The following TAPT1 variants were observed in gnomAD, a reference collection of about 807,000 sequenced individuals.
TAPT1 encodes the protein transmembrane anterior posterior transformation protein 1 homolog.
Under a neutral mutation model 65.6 loss-of-function variants are expected in TAPT1, and 28 were observed. The ratio of observed to expected loss-of-function variants is 0.43; its 90% CI spans 0.32 to 0.59. The LOEUF is 0.59. Among genes scored for constraint, TAPT1 ranks in the 20% least tolerant of loss-of-function variants. The pLI is 0.09. For synonymous variants in TAPT1, 278 were observed against 245.2 expected, an observed-to-expected ratio of 1.13 and a Z score of -1.25; for missense variants, 563 against 679.9, an observed-to-expected ratio of 0.83 and a Z score of 1.91.
At chr4:16,188,198 T>G in intron 5 of TAPT1, 22 bp downstream of exon 5, 1 of 1,570,750 alleles carries the variant, frequency 6.4e-7, no homozygotes, top group Non-Finnish European at 8.6e-7. Flanking sequence ...GTCGGAAATT[T>G]CCAGTAGGTC....
chr4:16,166,900 G>C, intron 12 of TAPT1, 107 bp from the exon 13 acceptor site: 1 of 1,065,940 alleles, frequency 9.4e-7, no homozygotes, highest in Non-Finnish European at 1.4e-6. Context: ...ATGGGACGGT[G>C]ACAGATTAGG....
intron 3 of TAPT1, among the ~76,000 whole-genome samples, chr4:16,200,084 C>T (rs537356095): frequency 6.6e-5 from 10 of 152,248 alleles, no homozygotes; most frequent in African/African-American, 1.4e-4. Context: ...ATACCTCATA[C>T]GTGTGCTAAC....
At chr4:16,177,904 A>T (rs1368024601) in intron 8 of TAPT1, among the ~76,000 whole-genome samples, 1 of 152,212 alleles carries the variant, frequency 6.6e-6, no homozygotes, top group East Asian at 1.9e-4. Context: ...CATCAATAAA[A>T]GCAAGTGCTC....
In TAPT1 at chr4:16,213,164, A is replaced by G. The variant is rs192977480; in HGVS notation, c.330+604T>C. Reference sequence around the variant, plus strand: ...ATTGCTTAGACTCACCAACTCTAGCATCGCCTAGGGGAGAAGGGGCTGCTT... The same window carrying G: ...ATTGCTTAGACTCACCAACTCTAGCGTCGCCTAGGGGAGAAGGGGCTGCTT... On this transcript the variant is annotated intron_variant, in intron 2 of 13. Coordinates refer to ENST00000405303, the MANE Select transcript of TAPT1 (RefSeq NM_153365.3). Among the ~76,000 whole-genome samples the G allele has an allele frequency of 2.7e-4, 41 of 152,328 alleles. No homozygotes were observed. In the East Asian group the frequency reaches 7.7e-3, roughly 29 times the overall value.
At chr4:16,191,634 T>G in intron 3 of TAPT1, 111 bp from the exon 4 acceptor site, 2 of 1,180,108 alleles carry the variant, frequency 1.7e-6, no homozygotes. Context: ...ATAAGAATTA[T>G]GTTGATCTTT....
At chr4:16,188,098 C>G in intron 5 of TAPT1, 122 bp downstream of exon 5, 1 of 804,790 alleles carries the variant, frequency 1.2e-6, no homozygotes. Flanking sequence ...AAATATTTCA[C>G]ATTAATCTTC....
chr4:16,216,345 T>C (rs1750943111), intron 1 of TAPT1, among the ~76,000 whole-genome samples: 1 of 152,250 alleles, frequency 6.6e-6, no homozygotes, highest in Non-Finnish European at 1.5e-5. Context: ...TTCTTTCTTG[T>C]ATTTATTCCC....
intron 3 of TAPT1, among the ~76,000 whole-genome samples, chr4:16,201,504 C>G (rs956798046): frequency 6.6e-6 from 1 of 152,062 alleles, no homozygotes; most frequent in Non-Finnish European, 1.5e-5. Context: ...GAAATGTAAC[C>G]TCGACATCTA....
intron 3 of TAPT1, among the ~76,000 whole-genome samples, chr4:16,193,362 C>T (rs958789907): frequency 2.0e-5 from 3 of 152,214 alleles, no homozygotes; most frequent in East Asian, 1.9e-4. Context: ...GATTGCATCA[C>T]GGCCAAAGTT....
chr4:16,176,204 T>A lies in TAPT1; in HGVS notation c.1022A>T (p.Asp341Val). ...NPDHLWVLFP[D>V]VCMVIASEIA... is the part of the protein sequence containing the mutation. ...TTCTGATGCAATTACCATACAGACA[T>A]CTGGAAACAACACCCAGAGATGATC... The change falls in exon 9 of 14, where the codon GAT (aspartate) becomes GTT (valine). Residue 341 changes from aspartate (D) to valine (V), a missense_variant. This residue lies in a region of TAPT1 where 104 missense variants were observed against 102.5 expected (regional missense o/e 1.01). Transcript: ENST00000405303. 1 of 1,566,376 alleles carries A rather than the reference T, an allele frequency of 6.4e-7. No individual in the cohort carries two copies. The highest frequency in any genetic ancestry group is 8.7e-7 in the Non-Finnish European group (1 of 1,155,392).
At chr4:16,166,592 T>C in intron 13 of TAPT1, 41 bp downstream of exon 13, 1 of 1,601,796 alleles carries the variant, frequency 6.2e-7, no homozygotes, top group Non-Finnish European at 8.6e-7. Context: ...TTTAACTCTT[T>C]GAAAATGATC....
intron 7 of TAPT1, among the ~76,000 whole-genome samples, chr4:16,180,689 T>G (rs531605679): frequency 5.3e-5 from 8 of 152,326 alleles, no homozygotes; most frequent in African/African-American, 1.9e-4. Flanking sequence ...AAACTTTTAT[T>G]CCACAGCAAA....
rs772134839 is a variant in TAPT1 at position 16,188,278 on chromosome 4, T to C, written c.690A>G (p.Glu230=). 6.2e-7 allele frequency: 1 copy of C among 1,612,948 alleles called. No homozygotes were observed. The highest frequency in any genetic ancestry group is 8.5e-7 in the Non-Finnish European group (1 of 1,179,330). ...TCACCCCAATGTGGGCTCTTTTTCT[T>C]TCTTTAGGCTCTGTTGCTGTCCAAT... ...ALYWTATEPK[E]RKRAHIGVIP... is the part of the protein sequence containing the mutation. The change falls in exon 5 of 14, where the codon GAA becomes GAG. Residue 230 remains glutamate, a synonymous_variant. Transcript: ENST00000405303.
chr4:16,167,268 G>A (rs1289336249), intron 12 of TAPT1, among the ~76,000 whole-genome samples: 1 of 152,048 alleles, frequency 6.6e-6, no homozygotes, highest in African/African-American at 2.4e-5. Flanking sequence ...TGGGATTACA[G>A]GTGTGAGCCA....
In TAPT1 at chr4:16,161,430, T is replaced by A. The variant is rs753147598; in HGVS notation, c.*1878A>T. 4.6e-5 allele frequency: 7 copies of A among 152,662 alleles called. No individual in the cohort carries two copies. The highest frequency in any genetic ancestry group is 1.0e-4 in the Non-Finnish European group (7 of 68,046). 9.5% of individuals were successfully genotyped at this position (152,662 alleles called of 1,614,324 possible). A position where few individuals can be genotyped will look rare whatever the true frequency, so the allele number is the denominator to read the frequency against. ...CAGCATCTGCAAAGGAATGGAAATC[T>A]TCTGAAAATGACAGCGCAGTAACAG... is the stretch of plus-strand genomic sequence containing the variant. On this transcript the variant is annotated 3_prime_UTR_variant, in exon 14 of 14. Coordinates refer to ENST00000405303, the MANE Select transcript of TAPT1 (RefSeq NM_153365.3).
At chr4:16,174,787 A>C (rs1395356715) in intron 9 of TAPT1, 58 bp from the exon 10 acceptor site, 3 of 1,201,966 alleles carry the variant, frequency 2.5e-6, no homozygotes, top group Non-Finnish European at 3.4e-6. Flanking sequence ...TAATGTGGAA[A>C]GACTGCAACT....
chr4:16,181,810 C>T (rs1017796424), intron 7 of TAPT1, among the ~76,000 whole-genome samples: 4 of 152,222 alleles, frequency 2.6e-5, no homozygotes, highest in Admixed American at 6.5e-5. Flanking sequence ...TCAGGTGATC[C>T]GCCCATCTTG....
chr4:16,221,200 A>AACCTCC (rs958625598), intron 1 of TAPT1, among the ~76,000 whole-genome samples: 2 of 151,936 alleles, frequency 1.3e-5, no homozygotes, highest in African/African-American at 2.4e-5. Context: ...GTCTCACTGC[A>AACCTCC]ACCTCCACCT....
At chr4:16,177,352 A>G (rs1748397430) in intron 8 of TAPT1, among the ~76,000 whole-genome samples, 1 of 152,196 alleles carries the variant, frequency 6.6e-6, no homozygotes, top group Non-Finnish European at 1.5e-5. Context: ...AGAACTTGGA[A>G]AAGAATGTAA....
Sources: allele counts gnomAD v4.1 joint callset (sites outside exome capture counted in the v4.1 genomes callset), GRCh38; gene constraint gnomAD v4.1.1; regional missense constraint gnomAD v4.1.1; transcripts MANE v1.5; gene names NCBI Gene and HGNC (gene_info 2026-07-23, HGNC 2026-07-21).